Variants in TNRC6C observed in about 807,000 individuals in gnomAD.
TNRC6C encodes trinucleotide repeat-containing gene 6C protein.
TNRC6C carries 20 observed loss-of-function variants against 153.7 expected under a neutral mutation model. The ratio of observed to expected loss-of-function variants is 0.13; its 90% CI spans 0.09 to 0.19. The LOEUF (loss-of-function observed/expected upper bound fraction) is 0.19. Among genes scored for constraint, TNRC6C ranks in the 10% least tolerant of loss-of-function variants. The pLI, the probability that TNRC6C is intolerant of heterozygous loss-of-function variation, is 1.00. For synonymous variants in TNRC6C, 811 were observed against 841.4 expected, an observed-to-expected ratio of 0.96 and a Z score of 0.63; for missense variants, 1,987 against 2,172.0, an observed-to-expected ratio of 0.91 and a Z score of 1.69.
At chr17:78,105,130 A>C in exon 20 of TNRC6C, 1 of 305,330 alleles carries the variant, frequency 3.3e-6, no homozygotes, top group Admixed American at 5.2e-5. Flanking sequence ...TTTTTTTTTT[A>C]AGTATAAAAG....
At chr17:78,032,578 C>T (rs1046020340) in intron 2 of TNRC6C, among the ~76,000 whole-genome samples, 4 of 152,162 alleles carry the variant, frequency 2.6e-5, no homozygotes, top group South Asian at 2.1e-4. Context: ...TTCAATTTTT[C>T]GGTTTCAAGT....
chr17:78,054,323 C>G (rs1178615882), intron 3 of TNRC6C, among the ~76,000 whole-genome samples: 2 of 152,024 alleles, frequency 1.3e-5, no homozygotes, highest in Admixed American at 6.5e-5. Flanking sequence ...ACGCACACCA[C>G]TGCAGACTAC....
At position 78,104,885 on chromosome 17, in the gene TNRC6C, G is replaced by A. The variant is rs1386742428; in HGVS notation, c.*40G>A. ...AGCACCAGGAGAGCCGACCCCTCCCGGGACCCCTCCCGGCTGGGCGGCCCC... is the reference window on the plus strand; with the variant it reads ...AGCACCAGGAGAGCCGACCCCTCCCAGGACCCCTCCCGGCTGGGCGGCCCC... On this transcript the variant is annotated 3_prime_UTR_variant, in exon 20 of 20. Transcript: ENST00000301624. This position sits in a 1 kb window ranked among gnomAD's most constrained non-coding sequence, Gnocchi z 6.2. The A allele has an allele frequency of 5.1e-6, 7 of 1,384,656 alleles. No individual in the cohort carries two copies. Among genetic ancestry groups the A allele is most frequent in the South Asian group, 3.3e-5 (2 of 60,628 alleles). 85.8% of individuals were successfully genotyped at this position (1,384,656 alleles called of 1,614,324 possible). A position where few individuals can be genotyped will look rare whatever the true frequency, so the allele number is the denominator to read the frequency against.
intron 11 of TNRC6C, among the ~76,000 whole-genome samples, 198 bp downstream of exon 13, chr17:78,083,364 C>T (rs564887063): frequency 4.4e-4 from 67 of 152,268 alleles, no homozygotes; most frequent in African/African-American, 1.6e-3. Context: ...ATGTTTTGGC[C>T]TCTTTGTTTT....
In TNRC6C at chr17:78,089,563, A is replaced by C. The variant is rs115065985; in HGVS notation, c.3803-1877A>C. ...CCCATGGTCAGTAGTGGGGGCTCCTAGCTACCTTCCTTCCCTCATGTTCAG... is the reference window on the plus strand; with the variant it reads ...CCCATGGTCAGTAGTGGGGGCTCCTCGCTACCTTCCTTCCCTCATGTTCAG... On this transcript the variant is annotated intron_variant, in intron 13 of 19. Coordinates refer to ENST00000301624, the Ensembl canonical transcript of TNRC6C. Among the ~76,000 whole-genome samples the C allele has an allele frequency of 3.1e-3, 479 of 152,242 alleles. 6 individuals are homozygous for C. Among genetic ancestry groups the C allele is most frequent in the Middle Eastern group, 0.01 (3 of 294 alleles).
chr17:77,996,058 G>C (rs1466704624), intron 1 of TNRC6C, among the ~76,000 whole-genome samples: 1 of 152,114 alleles, frequency 6.6e-6, no homozygotes, highest in African/African-American at 2.4e-5. Context: ...GGAAGAAAGA[G>C]TGAGACCCTG....
chr17:78,027,437 C>T (rs1185455367), intron 1 of TNRC6C, among the ~76,000 whole-genome samples: 1 of 152,162 alleles, frequency 6.6e-6, no homozygotes, highest in Non-Finnish European at 1.5e-5. Flanking sequence ...ACTCTGCACA[C>T]AAACACCGCA....
At chr17:78,077,123 T>G in intron 8 of TNRC6C, 62 bp from the exon 11 acceptor site, 1 of 1,525,496 alleles carries the variant, frequency 6.6e-7, no homozygotes, top group East Asian at 2.4e-5. Flanking sequence ...CTTGGGAAAC[T>G]GTTTGGTGCT....
chr17:78,106,673 G>A (rs1482522841), exon 20 of TNRC6C: 1 of 151,882 alleles, frequency 6.6e-6, no homozygotes, highest in Non-Finnish European at 1.5e-5. Flanking sequence ...TTTGAAGAGT[G>A]CTTTATATAT....
intron 11 of TNRC6C, among the ~76,000 whole-genome samples, chr17:78,084,107 A>T (rs2073231305): frequency 6.6e-6 from 1 of 152,152 alleles, no homozygotes; most frequent in Non-Finnish European, 1.5e-5. Context: ...AACATGGTGA[A>T]ACCCCGTCTC....
exon 11 of TNRC6C, chr17:78,083,098 G>C (rs1171185083): frequency 6.2e-7 from 1 of 1,613,864 alleles, no homozygotes; most frequent in African/African-American, 1.3e-5. Flanking sequence ...TCTCAACCCT[G>C]CACTATTAAC....
intron 18 of TNRC6C, 193 bp downstream of exon 21, chr17:78,102,737 G>A (rs1598799608): frequency 1.8e-6 from 1 of 561,624 alleles, no homozygotes; most frequent in East Asian, 3.1e-5. Flanking sequence ...TGGGGCCCAG[G>A]GGCCTCTTTT....
At chr17:78,096,885 C>CTT (rs1169787174) in intron 16 of TNRC6C, among the ~76,000 whole-genome samples, 3 of 152,170 alleles carry the variant, frequency 2.0e-5, no homozygotes, top group African/African-American at 7.2e-5. Context: ...AGGAGCTGAG[C>CTT]TTTTACACAA....
rs145708707 is a variant in TNRC6C, at chr17:78,027,475, A to G, written c.-545-4041A>G. On this transcript the variant is annotated intron_variant, in intron 1 of 19. Coordinates refer to ENST00000301624, the Ensembl canonical transcript of TNRC6C. ...CCTCTTCTTTTTTATATTCAGTTCC[A>G]TCATATGGAAACTCTGGCTAGAAAA... Among the ~76,000 whole-genome samples the G allele has an allele frequency of 7.3e-3, 1,115 of 152,260 alleles. 27 individuals are homozygous for G. Among genetic ancestry groups the G allele is most frequent in the Admixed American group, 0.019 (295 of 15,306 alleles).
intron 1 of TNRC6C, among the ~76,000 whole-genome samples, chr17:77,984,828 G>GCACA (rs56781955): frequency 0.015 from 2,313 of 149,640 alleles, 44 homozygotes; most frequent in African/African-American, 0.042. Context: ...CCTCTTATAC[G>GCACA]CACACACACA....
At chr17:77,997,316 T>G (rs1352772798) in intron 1 of TNRC6C, among the ~76,000 whole-genome samples, 1 of 152,208 alleles carries the variant, frequency 6.6e-6, no homozygotes, top group Admixed American at 6.5e-5. Flanking sequence ...GCTGATTTTG[T>G]CATACCTCTC....
At chr17:78,073,546 C>T (rs936531584) in intron 7 of TNRC6C, among the ~76,000 whole-genome samples, 1 of 152,156 alleles carries the variant, frequency 6.6e-6, no homozygotes, top group African/African-American at 2.4e-5. Context: ...AGTTCTAGAG[C>T]TGCTTTAATA....
exon 20 of TNRC6C, chr17:78,108,027 C>T (rs2073734114): frequency 6.6e-6 from 1 of 152,228 alleles, no homozygotes; most frequent in Non-Finnish European, 1.5e-5. Flanking sequence ...GAGTCCCTTC[C>T]TAGGACACTG....
chr17:77,981,552 CAAAGATA>C (rs933345626), intron 1 of TNRC6C, among the ~76,000 whole-genome samples: 5 of 152,176 alleles, frequency 3.3e-5, no homozygotes, highest in African/African-American at 7.2e-5. Flanking sequence ...CACAATATTA[CAAAGATA>C]AATATAGTTT....
Sources: gnomAD v4.1 joint callset for allele counts (sites outside exome capture counted in the v4.1 genomes callset) on GRCh38, gnomAD v4.1.1 for gene constraint, Gnocchi (gnomAD v3.1) non-coding constraint, MANE v1.5 for transcripts, NCBI Gene and HGNC (gene_info 2026-07-23, HGNC 2026-07-21) for gene names.